FLT1: variants seen among roughly 807,000 people sequenced by gnomAD.
FLT1 encodes the protein vascular endothelial growth factor receptor 1.
A neutral mutation model predicts 156.3 loss-of-function variants in FLT1; 49 were observed. The ratio of observed to expected loss-of-function variants is 0.31; its 90% confidence interval spans 0.25 to 0.40. The LOEUF is 0.40. FLT1 is among the 10% of genes least tolerant of loss of function. The pLI, the probability that FLT1 is intolerant of heterozygous loss-of-function variation, is 1.00. For missense variants in FLT1, 1,322 were observed against 1,637.2 expected (o/e 0.81, Z 3.32); for synonymous variants, 594 against 583.8 (o/e 1.02, Z -0.25).
intron 11 of FLT1, among the ~76,000 whole-genome samples, chr13:28,399,280 G>A (rs1286482634): frequency 6.6e-6 from 1 of 152,120 alleles, no homozygotes; most frequent in Non-Finnish European, 1.5e-5. Context: ...TTTTTATGAA[G>A]TTAGTTCTCA....
At chr13:28,430,211 C>A in intron 7 of FLT1, 44 bp from the exon 8 acceptor site, 1 of 1,434,120 alleles carries the variant, frequency 7.0e-7, no homozygotes, top group Non-Finnish European at 9.8e-7. Context: ...AGAATAATTT[C>A]CATAAACAAA....
rs866060059 is a variant in FLT1 at position 28,427,834 on chromosome 13, C to T, written c.1194G>A (p.Glu398=). The T allele has an allele frequency of 6.2e-7, 1 of 1,613,840 alleles. No homozygotes were observed. Among genetic ancestry groups the T allele is most frequent in the Non-Finnish European group, 8.5e-7 (1 of 1,179,774 alleles). The part of the protein sequence containing the change: ...YSLIIKDVTE[E]DAGNYTILLS... ...GCAAGATTGTATAATTCCCTGCATCCTCTTCAGTTACGTCCTTGATAATTA... is the reference window on the plus strand; with the variant it reads ...GCAAGATTGTATAATTCCCTGCATCTTCTTCAGTTACGTCCTTGATAATTA... The change falls in exon 9 of 30, where the codon GAG becomes GAA. Residue 398 remains glutamate, a synonymous_variant. Transcript: ENST00000282397.
chr13:28,462,578 A>G (rs1479728988), intron 3 of FLT1, among the ~76,000 whole-genome samples: 2 of 152,186 alleles, frequency 1.3e-5, no homozygotes, highest in Non-Finnish European at 2.9e-5. Flanking sequence ...CATATTTTCC[A>G]CTATTATGAT....
chr13:28,428,475 G>GA (rs66872828), intron 8 of FLT1, among the ~76,000 whole-genome samples: 9,984 of 143,624 alleles, frequency 0.07, 1,049 homozygotes, highest in African/African-American at 0.23. Context: ...TTAAGGCACA[G>GA]AAAAAAAAAA....
intron 20 of FLT1, among the ~76,000 whole-genome samples, chr13:28,327,246 A>T (rs1196311977): frequency 6.6e-6 from 1 of 152,264 alleles, no homozygotes; most frequent in Non-Finnish European, 1.5e-5. Context: ...TTATGGCTGC[A>T]TACGCACACA....
At chr13:28,460,541 T>C (rs1430286539) in intron 3 of FLT1, among the ~76,000 whole-genome samples, 2 of 151,926 alleles carry the variant, frequency 1.3e-5, no homozygotes, top group African/African-American at 2.4e-5. Context: ...AGGAGTGAAA[T>C]GAGTGGATTG....
chr13:28,357,504 G>A (rs1212412355), intron 15 of FLT1, 50 bp downstream of exon 15: 1 of 1,600,568 alleles, frequency 6.2e-7, no homozygotes, highest in Non-Finnish European at 8.6e-7. Flanking sequence ...AACAAACAGG[G>A]AAATAGATGT....
In FLT1 at chr13:28,453,595, T is replaced by G. The variant is rs578012961; in HGVS notation, c.388+13308A>C. On this transcript the variant is annotated intron_variant, in intron 3 of 29. Coordinates refer to ENST00000282397, the MANE Select transcript of FLT1 (RefSeq NM_002019.4). The stretch of plus-strand genomic sequence containing the variant: ...CAAGCCAAATACAGGCCTTTACATG[T>G]ATTCCTGTTAAATCTCATTTTGCTA... Among the ~76,000 whole-genome samples the G allele has an allele frequency of 1.2e-3, 178 of 152,298 alleles. 1 individual carries two copies. Among genetic ancestry groups the G allele is most frequent in the Non-Finnish European group, 1.9e-3 (128 of 68,020 alleles).
At position 28,375,195 on chromosome 13, in the gene FLT1, G is replaced by A. The variant is rs550792965; in HGVS notation, c.2116+9690C>T. ...TCTTGCCAATAAAAAGAGATACTTT[G>A]GGGCTGACTGATTCTTCATAAATAG... On this transcript the variant is annotated intron_variant, in intron 14 of 29. Transcript: ENST00000282397. Among the ~76,000 whole-genome samples, 4 of 152,280 alleles carry A rather than the reference G, an allele frequency of 2.6e-5. 1 individual carries two copies. The South Asian group carries it at 8.3e-4, about 32-fold the overall frequency.
chr13:28,304,932 A>G (rs1870679918), intron 29 of FLT1, among the ~76,000 whole-genome samples: 1 of 152,198 alleles, frequency 6.6e-6, no homozygotes, highest in Non-Finnish European at 1.5e-5. Flanking sequence ...TGAGTCATCA[A>G]CTGATGGATA....
At chr13:28,421,827 G>A (rs1047317511) in intron 10 of FLT1, among the ~76,000 whole-genome samples, 1 of 152,188 alleles carries the variant, frequency 6.6e-6, no homozygotes, top group Non-Finnish European at 1.5e-5. Context: ...TCATAGCTGT[G>A]TATGATAGGA....
intron 10 of FLT1, among the ~76,000 whole-genome samples, chr13:28,425,120 C>G (rs1490597915): frequency 1.3e-5 from 2 of 152,190 alleles, no homozygotes; most frequent in Non-Finnish European, 2.9e-5. Flanking sequence ...CTGGGCCTCA[C>G]ACAGGTAGGC....
At chr13:28,407,136 C>T (rs1271254417) in intron 10 of FLT1, among the ~76,000 whole-genome samples, 1 of 152,166 alleles carries the variant, frequency 6.6e-6, no homozygotes, top group Non-Finnish European at 1.5e-5. Context: ...TTCACTCTGT[C>T]CCCATAGCTA....
intron 14 of FLT1, among the ~76,000 whole-genome samples, chr13:28,371,589 G>A (rs1336638799): frequency 1.3e-5 from 2 of 152,134 alleles, no homozygotes; most frequent in African/African-American, 4.8e-5. Flanking sequence ...CAAAGCACAC[G>A]AATAGTGATG....
chr13:28,421,922 G>A (rs1472090886), intron 10 of FLT1, among the ~76,000 whole-genome samples: 1 of 152,166 alleles, frequency 6.6e-6, no homozygotes, highest in Non-Finnish European at 1.5e-5. Flanking sequence ...CAGAAGTCAG[G>A]GACGGTGCCA....
intron 3 of FLT1, among the ~76,000 whole-genome samples, chr13:28,450,177 T>G (rs1425874874): frequency 6.6e-6 from 1 of 152,204 alleles, no homozygotes; most frequent in African/African-American, 2.4e-5. Flanking sequence ...AGAGTCTAGC[T>G]GAGCAGACAC....
intron 15 of FLT1, among the ~76,000 whole-genome samples, chr13:28,349,754 T>G (rs1872685111): frequency 6.6e-6 from 1 of 152,158 alleles, no homozygotes; most frequent in Non-Finnish European, 1.5e-5. Context: ...GCAAAATTCA[T>G]TTCAGTGGAC....
chr13:28,477,646 C>T (rs182404660), intron 1 of FLT1, among the ~76,000 whole-genome samples: 56 of 152,248 alleles, frequency 3.7e-4, no homozygotes, highest in Non-Finnish European at 6.6e-4. Flanking sequence ...CATACAGGAA[C>T]GTTTTGTCTG....
In FLT1 at chr13:28,434,052, A is replaced by T; in HGVS notation, c.676+6T>A. On this transcript the variant is annotated splice_donor_region_variant and intron_variant, in intron 5 of 29. Transcript: ENST00000282397. ...CTTATGTTCATGCCTTTGAAGCATC[A>T]CTTACTTTGTCGATGTGTGAGATAG... 6.2e-7 allele frequency: 1 copy of T among 1,614,192 alleles called. No homozygotes were observed. Among genetic ancestry groups the T allele is most frequent in the South Asian group, 1.1e-5 (1 of 91,086 alleles).
Sources: gnomAD v4.1 joint callset for allele counts (sites outside exome capture counted in the v4.1 genomes callset) on GRCh38, gnomAD v4.1.1 for gene constraint, MANE v1.5 for transcripts, NCBI Gene and HGNC (gene_info 2026-07-23, HGNC 2026-07-21) for gene names.